KCNB2: variants seen among roughly 807,000 people sequenced by gnomAD.
KCNB2 encodes the protein potassium voltage-gated channel subfamily B member 2.
A neutral mutation model predicts 61.5 loss-of-function variants in KCNB2; 15 were observed. That is an observed-to-expected ratio of 0.24 (90% CI 0.16 to 0.38). The LOEUF is 0.38. Ranked by LOEUF, KCNB2 falls within the 10% of genes least tolerant of loss-of-function variation. The pLI is 1.00. For missense variants in KCNB2, 828 were observed against 1,125.2 expected (o/e 0.74, Z 3.78); for synonymous variants, 457 against 446.0 (o/e 1.02, Z -0.31).
chr8:72,761,443 A>C (rs1808378291), intron 2 of KCNB2, among the ~76,000 whole-genome samples: 1 of 152,208 alleles, frequency 6.6e-6, no homozygotes, highest in Non-Finnish European at 1.5e-5. Flanking sequence ...GAAAAAACCC[A>C]GCTCTTTCTC....
At chr8:72,730,709 T>C (rs1184961760) in intron 2 of KCNB2, among the ~76,000 whole-genome samples, 1 of 152,182 alleles carries the variant, frequency 6.6e-6, no homozygotes, top group Non-Finnish European at 1.5e-5. Context: ...AAGTAAAATA[T>C]AGTATGTGTA....
chr8:72,780,419 C>A (rs1006095843), intron 2 of KCNB2, among the ~76,000 whole-genome samples: 20 of 152,138 alleles, frequency 1.3e-4, no homozygotes, highest in Admixed American at 3.9e-4. Flanking sequence ...AGAAAGAGAT[C>A]TGAAAAACAA....
At chr8:72,644,253 C>A (rs75645197) in intron 2 of KCNB2, among the ~76,000 whole-genome samples, 2 of 152,080 alleles carry the variant, frequency 1.3e-5, no homozygotes, top group African/African-American at 2.4e-5. Flanking sequence ...GTTCACCCCC[C>A]CCTTCTCTTT....
At chr8:72,591,350 G>C (rs1807096004) in intron 2 of KCNB2, among the ~76,000 whole-genome samples, 1 of 152,134 alleles carries the variant, frequency 6.6e-6, no homozygotes, top group African/African-American at 2.4e-5. Context: ...TTGTTTTGGA[G>C]CTTAAAGATT....
chr8:72,623,705 C>G (rs560801705), intron 2 of KCNB2, among the ~76,000 whole-genome samples: 33 of 152,320 alleles, frequency 2.2e-4, no homozygotes, highest in African/African-American at 7.2e-4. Flanking sequence ...TCTTCCTGGT[C>G]ATATTCAAAA....
At chr8:72,769,932 C>A (rs1293906065) in intron 2 of KCNB2, among the ~76,000 whole-genome samples, 1 of 152,102 alleles carries the variant, frequency 6.6e-6, no homozygotes, top group Non-Finnish European at 1.5e-5. Flanking sequence ...GGAAATCTTC[C>A]ACCCTAAGGA....
chr8:72,706,379 A>T lies in KCNB2; in HGVS notation c.579+138066A>T, dbSNP rs2251992. On this transcript the variant is annotated intron_variant, in intron 2 of 2. Coordinates refer to ENST00000523207, the MANE Select transcript of KCNB2 (RefSeq NM_004770.3). ...CTCAGAGTGTTGGTTTCAAACCATCAAATACAACATTTTTAAAAAGTAAAA... is the reference window on the plus strand; with the variant it reads ...CTCAGAGTGTTGGTTTCAAACCATCTAATACAACATTTTTAAAAAGTAAAA... Among the ~76,000 whole-genome samples the T allele has an allele frequency of 9.1e-3, 1,381 of 152,344 alleles. 12 individuals carry two copies. Among genetic ancestry groups the T allele is most frequent in the Non-Finnish European group, 0.016 (1,076 of 68,022 alleles).
intron 2 of KCNB2, among the ~76,000 whole-genome samples, chr8:72,773,607 T>C (rs761491158): frequency 3.9e-5 from 6 of 152,228 alleles, no homozygotes; most frequent in Non-Finnish European, 7.3e-5. Flanking sequence ...AGGGTACTGA[T>C]AGAAATTGTG....
At chr8:72,620,291 T>C (rs948139022) in intron 2 of KCNB2, among the ~76,000 whole-genome samples, 7 of 152,230 alleles carry the variant, frequency 4.6e-5, no homozygotes, top group African/African-American at 1.4e-4. Flanking sequence ...AGCCTGATCA[T>C]TGTTTCTCCA....
chr8:72,741,910 A>T (rs1807966964), intron 2 of KCNB2, among the ~76,000 whole-genome samples: 1 of 152,234 alleles, frequency 6.6e-6, no homozygotes, highest in Admixed American at 6.5e-5. Context: ...AACTAGTACA[A>T]CCACTATGGA....
chr8:72,724,149 A>G (rs1430233357), intron 2 of KCNB2, among the ~76,000 whole-genome samples: 4 of 151,994 alleles, frequency 2.6e-5, no homozygotes, highest in Non-Finnish European at 4.4e-5. Context: ...TCCTCTTGTC[A>G]TGGTGTTATA....
chr8:72,706,332 G>A (rs1807223086), intron 2 of KCNB2, among the ~76,000 whole-genome samples: 1 of 152,184 alleles, frequency 6.6e-6, no homozygotes, highest in South Asian at 2.1e-4. Context: ...ATCTGTTGAT[G>A]GAAGTGCATC....
chr8:72,599,189 C>T (rs560307319), intron 2 of KCNB2, among the ~76,000 whole-genome samples: 76 of 152,312 alleles, frequency 5.0e-4, no homozygotes, highest in African/African-American at 1.8e-3. Context: ...TGCTACCTGA[C>T]TTCAAACTAT....
chr8:72,541,388 T>C (rs1240246128), intron 1 of KCNB2, among the ~76,000 whole-genome samples: 3 of 152,148 alleles, frequency 2.0e-5, no homozygotes, highest in African/African-American at 7.2e-5. Context: ...CCCTTTATTA[T>C]ATAGATATGA....
intron 2 of KCNB2, among the ~76,000 whole-genome samples, chr8:72,918,710 G>A (rs1319673423): frequency 6.6e-6 from 1 of 152,172 alleles, no homozygotes; most frequent in African/African-American, 2.4e-5. Flanking sequence ...GAAAATCAAT[G>A]ATTCAGTCTC....
chr8:72,846,891 A>G (rs1381954380), intron 2 of KCNB2, among the ~76,000 whole-genome samples: 1 of 152,226 alleles, frequency 6.6e-6, no homozygotes, highest in Non-Finnish European at 1.5e-5. Context: ...CATTTGACCC[A>G]GCCATCCCAT....
chr8:72,779,665 A>G lies in KCNB2; in HGVS notation c.580-156270A>G, dbSNP rs1033807150. Among the ~76,000 whole-genome samples the G allele has an allele frequency of 3.3e-5, 5 of 152,260 alleles. 1 individual carries two copies. ...GCTCTGAAAATCTTACCGTCTGGCT[A>G]GAGCTCTTCTTTTTTAAAGCAACTT... On this transcript the variant is annotated intron_variant, in intron 2 of 2. Transcript: ENST00000523207.
chr8:72,754,325 AG>A (rs1371570662), intron 2 of KCNB2, among the ~76,000 whole-genome samples: 1 of 152,178 alleles, frequency 6.6e-6, no homozygotes, highest in Non-Finnish European at 1.5e-5. Flanking sequence ...GAAGCCCCCT[AG>A]GTCTAACTCA....
chr8:72,920,465 C>CTATATATATA (rs1261158124), intron 2 of KCNB2, among the ~76,000 whole-genome samples: 16 of 71,098 alleles, frequency 2.3e-4, no homozygotes, highest in East Asian at 1.0e-3. Context: ...ATCTATCTAT[C>CTATATATATA]TATCTATCTA....
Sources: allele counts gnomAD v4.1 joint callset (sites outside exome capture counted in the v4.1 genomes callset), GRCh38; gene constraint gnomAD v4.1.1; transcripts MANE v1.5; gene names NCBI Gene and HGNC (gene_info 2026-07-23, HGNC 2026-07-21).